Variants in MYT1L observed in about 807,000 individuals in gnomAD.
MYT1L encodes myelin transcription factor 1-like protein.
MYT1L carries 12 observed loss-of-function variants against 126.7 expected under a neutral mutation model. The observed-to-expected ratio is 0.09, with a 90% CI of 0.06 to 0.15. The LOEUF (loss-of-function observed/expected upper bound fraction) is 0.15. MYT1L is among the 10% of genes least tolerant of loss of function. MYT1L has a pLI of 1.00. For synonymous variants in MYT1L, 541 were observed against 604.2 expected, an observed-to-expected ratio of 0.90 and a Z score of 1.53; for missense variants, 979 against 1,585.2, an observed-to-expected ratio of 0.62 and a Z score of 6.49.
intron 2 of MYT1L, among the ~76,000 whole-genome samples, chr2:2,199,936 C>T (rs2092987724): frequency 6.6e-6 from 1 of 152,154 alleles, no homozygotes. Context: ...ACATTTCATC[C>T]AGGATTTGAA....
chr2:2,281,771 A>G (rs1442777603), intron 2 of MYT1L, among the ~76,000 whole-genome samples: 1 of 152,230 alleles, frequency 6.6e-6, no homozygotes, highest in African/African-American at 2.4e-5. Context: ...ATCTCTCCAG[A>G]GGCTGAAAGT....
intron 2 of MYT1L, among the ~76,000 whole-genome samples, chr2:2,193,245 C>T (rs1213775936): frequency 1.3e-5 from 2 of 152,110 alleles, no homozygotes; most frequent in Non-Finnish European, 1.5e-5. Flanking sequence ...CCCAAAGTGC[C>T]AGGATTACAG....
intron 3 of MYT1L, among the ~76,000 whole-genome samples, chr2:2,109,867 T>G (rs1231079643): frequency 8.6e-6 from 1 of 116,116 alleles, no homozygotes; most frequent in Non-Finnish European, 1.7e-5. Flanking sequence ...TTCACAAAAG[T>G]GCTGATTTTA....
At chr2:1,956,191 G>GTCTATCATCTA (rs2058338931) in intron 8 of MYT1L, among the ~76,000 whole-genome samples, 2 of 145,876 alleles carry the variant, frequency 1.4e-5, no homozygotes. Flanking sequence ...TTACCTAGCT[G>GTCTATCATCTA]TCTATCTATC....
chr2:2,178,652 T>C (rs990376103), intron 2 of MYT1L, among the ~76,000 whole-genome samples: 4 of 152,156 alleles, frequency 2.6e-5, no homozygotes, highest in Non-Finnish European at 5.9e-5. Flanking sequence ...TGAGGACTTA[T>C]CACCAAGGCA....
chr2:1,888,372 CT>C (rs1261350873), intron 16 of MYT1L, among the ~76,000 whole-genome samples: 1 of 152,202 alleles, frequency 6.6e-6, no homozygotes, highest in Non-Finnish European at 1.5e-5. Context: ...TGATTTGGTT[CT>C]TTTTCACAAT....
chr2:1,969,017 C>T (rs1409959141), intron 8 of MYT1L, among the ~76,000 whole-genome samples: 3 of 152,238 alleles, frequency 2.0e-5, no homozygotes, highest in African/African-American at 4.8e-5. Flanking sequence ...CACTCCAAAG[C>T]GGCTGTCCCT....
At position 1,806,344 on chromosome 2, in the gene MYT1L, C is replaced by T. The variant is rs545991543; in HGVS notation, c.3172+2732G>A. Among the ~76,000 whole-genome samples the T allele has an allele frequency of 6.6e-6, 1 of 152,314 alleles. No homozygotes were observed. Among genetic ancestry groups the T allele is most frequent in the African/African-American group, 2.4e-5 (1 of 41,562 alleles). ...GCATTAGGATCTGCAGCAAGGGGAA[C>T]TGTTTGTCCTAAAACTTAGCACAAC... On this transcript the variant is annotated intron_variant, in intron 22 of 24. Transcript: ENST00000647738. This position sits in a 1 kb window ranked among gnomAD's most constrained non-coding sequence, Gnocchi z 4.9.
chr2:1,894,513 A>G (rs1275706455), intron 14 of MYT1L, among the ~76,000 whole-genome samples: 3 of 152,216 alleles, frequency 2.0e-5, no homozygotes, highest in Non-Finnish European at 4.4e-5. Flanking sequence ...GTTAAGAAAT[A>G]GTAGAATAAT....
chr2:2,305,661 G>T (rs561531254), intron 1 of MYT1L, among the ~76,000 whole-genome samples: 1 of 152,254 alleles, frequency 6.6e-6, no homozygotes, highest in Non-Finnish European at 1.5e-5. Flanking sequence ...AGCTCCACAG[G>T]CTGTACAGGA....
chr2:1,921,424 T>G (rs1409001902), intron 10 of MYT1L, among the ~76,000 whole-genome samples: 1 of 152,180 alleles, frequency 6.6e-6, no homozygotes, highest in Non-Finnish European at 1.5e-5. Context: ...CATATACACA[T>G]GATCTACTTA....
At chr2:1,810,678 T>C (rs1479001381) in intron 21 of MYT1L, among the ~76,000 whole-genome samples, 3 of 152,216 alleles carry the variant, frequency 2.0e-5, no homozygotes, top group Admixed American at 2.0e-4. Context: ...TAATACATTT[T>C]CTTTTAAAAT....
chr2:1,904,267 TC>T (rs1224505700), intron 13 of MYT1L, among the ~76,000 whole-genome samples: 3 of 152,152 alleles, frequency 2.0e-5, no homozygotes, highest in Non-Finnish European at 4.4e-5. Context: ...CGTTCTGTCC[TC>T]CCCCTCGACA....
intron 19 of MYT1L, among the ~76,000 whole-genome samples, chr2:1,851,382 G>C (rs1057075309): frequency 2.0e-5 from 3 of 152,150 alleles, no homozygotes; most frequent in African/African-American, 7.2e-5. Context: ...AGCTGGATAG[G>C]TGGAATGTTT....
intron 22 of MYT1L, among the ~76,000 whole-genome samples, chr2:1,804,988 A>C (rs1467730232): frequency 1.3e-5 from 2 of 152,160 alleles, no homozygotes; most frequent in African/African-American, 4.8e-5. Context: ...CTGATGGTAC[A>C]ACTTCAGCCA....
At chr2:2,275,202 A>G (rs1438082218) in intron 2 of MYT1L, among the ~76,000 whole-genome samples, 1 of 139,452 alleles carries the variant, frequency 7.2e-6, no homozygotes, top group African/African-American at 2.7e-5. Context: ...TAATAATAAA[A>G]TGTGTGTGTG....
chr2:2,110,058 G>T (rs1387694661), intron 3 of MYT1L, among the ~76,000 whole-genome samples: 4 of 151,754 alleles, frequency 2.6e-5, no homozygotes, highest in Non-Finnish European at 5.9e-5. Context: ...TACTGTGCTG[G>T]GCAGTCTGGT....
chr2:1,915,652 G>A (rs1346899283), intron 11 of MYT1L, among the ~76,000 whole-genome samples: 1 of 152,228 alleles, frequency 6.6e-6, no homozygotes, highest in Non-Finnish European at 1.5e-5. Context: ...GGTGCTGGGT[G>A]TCACATCGTG....
intron 2 of MYT1L, among the ~76,000 whole-genome samples, chr2:2,252,494 T>C (rs1050402318): frequency 4.5e-4 from 68 of 152,374 alleles, no homozygotes; most frequent in African/African-American, 1.6e-3. Flanking sequence ...GACTCAGGGA[T>C]GGCTCCTCAG....
Sources: allele counts gnomAD v4.1 joint callset (sites outside exome capture counted in the v4.1 genomes callset), GRCh38; gene constraint gnomAD v4.1.1; non-coding constraint Gnocchi (gnomAD v3.1); transcripts MANE v1.5; gene names NCBI Gene and HGNC (gene_info 2026-07-23, HGNC 2026-07-21).